CSMD1: variants seen among roughly 807,000 people sequenced by gnomAD.
CSMD1 encodes the protein CUB and sushi domain-containing protein 1.
In CSMD1, 213 loss-of-function variants were observed where a neutral mutation model predicts 417.5. The observed-to-expected ratio is 0.51, with a 90% CI of 0.46 to 0.57. The LOEUF (loss-of-function observed/expected upper bound fraction) is 0.57. CSMD1 is among the 20% of genes least tolerant of loss of function. CSMD1 has a pLI of 0.00. For missense variants in CSMD1, 6,923 were observed against 4,529.7 expected (o/e 1.53, Z -15.17); for synonymous variants, 2,862 against 1,736.8 (o/e 1.65, Z -16.11).
In CSMD1 at chr8:4,851,093, TC is replaced by T. The variant is rs71209128; in HGVS notation, c.85+143238del. On this transcript the variant is annotated intron_variant, in intron 1 of 69. Coordinates refer to ENST00000635120, the MANE Select transcript of CSMD1 (RefSeq NM_033225.6). Reference sequence around the variant, plus strand: ...GAGGTATATCTCCTAATGTTATCCCTCCCCCCTCCCCACACCCCACAACAGT... The same window carrying T: ...GAGGTATATCTCCTAATGTTATCCCTCCCCCTCCCCACACCCCACAACAGT... Among the ~76,000 whole-genome samples, 7 of 101,294 alleles carry T rather than the reference TC, an allele frequency of 6.9e-5. No homozygotes were observed. In the East Asian group the frequency reaches 2.0e-3, roughly 28 times the overall value. The allele number at this position is 101,294 out of a possible 152,430, so 66.5% of individuals were successfully genotyped here. A position where few individuals can be genotyped will look rare whatever the true frequency, so the allele number is the denominator to read the frequency against.
intron 33 of CSMD1, among the ~76,000 whole-genome samples, chr8:3,197,456 C>G (rs1224064400): frequency 7.3e-6 from 1 of 137,430 alleles, no homozygotes; most frequent in African/African-American, 2.7e-5. Flanking sequence ...TAATATAGCT[C>G]AAATAATTTT....
At chr8:3,798,911 T>C (rs1419893980) in intron 5 of CSMD1, among the ~76,000 whole-genome samples, 2 of 152,058 alleles carry the variant, frequency 1.3e-5, no homozygotes, top group African/African-American at 4.8e-5. Flanking sequence ...AAAGAAGAAA[T>C]GTGGAGTCAA....
intron 1 of CSMD1, among the ~76,000 whole-genome samples, chr8:4,825,763 T>C (rs1241736092): frequency 6.8e-6 from 1 of 147,468 alleles, no homozygotes; most frequent in African/African-American, 2.5e-5. Flanking sequence ...GAGATATACA[T>C]GAAGCTTCTA....
intron 1 of CSMD1, among the ~76,000 whole-genome samples, chr8:4,886,392 G>T (rs184139364): frequency 6.6e-6 from 1 of 151,702 alleles, no homozygotes; most frequent in Non-Finnish European, 1.5e-5. Flanking sequence ...TATGATGCTG[G>T]ATTTTTCTTG....
chr8:3,318,454 A>T (rs1453861210), intron 23 of CSMD1, among the ~76,000 whole-genome samples: 1 of 152,206 alleles, frequency 6.6e-6, no homozygotes, highest in Non-Finnish European at 1.5e-5. Context: ...AACTGACCTC[A>T]GTCCTTGCTC....
chr8:4,833,858 T>C (rs568334085), intron 1 of CSMD1, among the ~76,000 whole-genome samples: 27 of 152,358 alleles, frequency 1.8e-4, no homozygotes, highest in African/African-American at 6.3e-4. Context: ...GCTAGCTCTG[T>C]ACTCTAGTGA....
intron 5 of CSMD1, among the ~76,000 whole-genome samples, chr8:3,889,260 A>T (rs1312862721): frequency 6.6e-6 from 1 of 151,794 alleles, no homozygotes; most frequent in South Asian, 2.1e-4. Flanking sequence ...GAGATTTCTT[A>T]AATGTTTTTC....
chr8:3,736,543 A>G (rs1055515216), intron 6 of CSMD1, among the ~76,000 whole-genome samples: 5 of 152,100 alleles, frequency 3.3e-5, no homozygotes, highest in Admixed American at 6.5e-5. Context: ...CATGAGTAGA[A>G]TATCATTTCC....
chr8:3,500,442 C>T (rs1796552936), intron 10 of CSMD1, among the ~76,000 whole-genome samples: 1 of 151,960 alleles, frequency 6.6e-6, no homozygotes, highest in African/African-American at 2.4e-5. Flanking sequence ...AAATGGGGGT[C>T]CCTAACCACA....
rs1159053146 is a variant in CSMD1 at position 3,052,638 on chromosome 8, C to G, written c.7484G>C (p.Cys2495Ser). ...SLTPLCQAVS[C>S]GIPESPGNGS... ...GTTTCCTGGGGATTCTGGGATTCCACAGGACACAGCTGAAAAGAAATGAAA... is the reference window on the plus strand; with the variant it reads ...GTTTCCTGGGGATTCTGGGATTCCAGAGGACACAGCTGAAAAGAAATGAAA... Residue 2495 changes from cysteine (C) to serine (S), a missense_variant, in exon 50 of 70, where the codon TGT becomes TCT. Physicochemically the swap from Cys to Ser is moderately radical, Grantham distance 112. Transcript: ENST00000635120. 6.2e-7 allele frequency: 1 copy of G among 1,602,430 alleles called. No individual in the cohort carries two copies.
At chr8:4,277,605 G>A (rs1796559294) in intron 3 of CSMD1, among the ~76,000 whole-genome samples, 1 of 152,036 alleles carries the variant, frequency 6.6e-6, no homozygotes, top group Non-Finnish European at 1.5e-5. Context: ...TTCACTATGA[G>A]GTGTCTCATA....
intron 3 of CSMD1, among the ~76,000 whole-genome samples, chr8:4,127,975 T>C (rs371053570): frequency 6.6e-6 from 1 of 152,198 alleles, no homozygotes; most frequent in South Asian, 2.1e-4. Flanking sequence ...TATTGGTAAA[T>C]GCCACTGCTT....
chr8:4,358,997 T>C (rs1801598329), intron 3 of CSMD1, among the ~76,000 whole-genome samples: 1 of 152,116 alleles, frequency 6.6e-6, no homozygotes, highest in South Asian at 2.1e-4. Context: ...TAAGTTGACA[T>C]ATATAGGCAT....
chr8:4,766,545 T>G (rs1476954146), intron 1 of CSMD1, among the ~76,000 whole-genome samples: 4 of 152,216 alleles, frequency 2.6e-5, no homozygotes, highest in Non-Finnish European at 4.4e-5. Flanking sequence ...TCAGGATAAT[T>G]GAGAAATATG....
At chr8:3,541,615 G>T (rs1324967283) in intron 10 of CSMD1, among the ~76,000 whole-genome samples, 2 of 149,842 alleles carry the variant, frequency 1.3e-5, no homozygotes, top group Admixed American at 6.7e-5. Flanking sequence ...AATGGGTCAT[G>T]ATTTTTACAG....
intron 50 of CSMD1, among the ~76,000 whole-genome samples, chr8:3,043,421 C>A (rs577922274): frequency 6.6e-6 from 1 of 151,952 alleles, no homozygotes; most frequent in East Asian, 1.9e-4. Flanking sequence ...CTAGATATGA[C>A]TAGATGGAAC....
intron 6 of CSMD1, among the ~76,000 whole-genome samples, chr8:3,719,047 G>A (rs1378112997): frequency 6.6e-6 from 1 of 152,140 alleles, no homozygotes; most frequent in African/African-American, 2.4e-5. Context: ...TCTACGTATT[G>A]AGATGTAGAA....
At chr8:4,097,260 A>C (rs1801063528) in intron 3 of CSMD1, among the ~76,000 whole-genome samples, 1 of 152,196 alleles carries the variant, frequency 6.6e-6, no homozygotes, top group Admixed American at 6.5e-5. Flanking sequence ...TGGAAATCAG[A>C]AAACTAGATT....
At chr8:3,726,978 C>A (rs1296216826) in intron 6 of CSMD1, among the ~76,000 whole-genome samples, 2 of 152,114 alleles carry the variant, frequency 1.3e-5, no homozygotes, top group Non-Finnish European at 2.9e-5. Context: ...AATATACATA[C>A]CACCAGTAAA....
Sources: allele counts gnomAD v4.1 joint callset (sites outside exome capture counted in the v4.1 genomes callset), GRCh38; gene constraint gnomAD v4.1.1; transcripts MANE v1.5; gene names NCBI Gene and HGNC (gene_info 2026-07-23, HGNC 2026-07-21).